The following TMEM170B variants were observed in gnomAD, a reference collection of about 807,000 sequenced individuals.
TMEM170B encodes transmembrane protein 170B.
A neutral mutation model predicts 13.0 loss-of-function variants in TMEM170B; 6 were observed. The ratio of observed to expected loss-of-function variants is 0.46; its 90% CI spans 0.25 to 0.91. TMEM170B has a LOEUF of 0.91. Ranked by LOEUF, TMEM170B falls within the 40% of genes least tolerant of loss-of-function variation. The pLI, the probability that TMEM170B is intolerant of heterozygous loss-of-function variation, is 0.17. For synonymous variants in TMEM170B, 61 were observed against 64.9 expected, an observed-to-expected ratio of 0.94 and a Z score of 0.29; for missense variants, 138 against 165.2, an observed-to-expected ratio of 0.84 and a Z score of 0.90.
At chr6:11,542,474 C>T (rs192992108) in intron 1 of TMEM170B, among the ~76,000 whole-genome samples, 2 of 152,072 alleles carry the variant, frequency 1.3e-5, no homozygotes, top group African/African-American at 4.8e-5. Context: ...AAGGATATGC[C>T]GAACATCCCA....
chr6:11,570,961 G>T (rs757415636), intron 2 of TMEM170B, among the ~76,000 whole-genome samples: 2 of 152,154 alleles, frequency 1.3e-5, no homozygotes, highest in Non-Finnish European at 2.9e-5. Flanking sequence ...CTTTAAAAAT[G>T]TGAAAACTAT....
intron 1 of TMEM170B, among the ~76,000 whole-genome samples, chr6:11,559,323 G>C (rs1319486089): frequency 6.6e-6 from 1 of 151,302 alleles, no homozygotes; most frequent in East Asian, 1.9e-4. Context: ...CAGCCTCCTG[G>C]GTAGTGAGGG....
chr6:11,540,618 T>A (rs1446497603), intron 1 of TMEM170B, among the ~76,000 whole-genome samples: 1 of 152,198 alleles, frequency 6.6e-6, no homozygotes, highest in East Asian at 1.9e-4. Flanking sequence ...CCATGAGGAA[T>A]GGAGTCAATT....
chr6:11,542,311 AT>A (rs1416237923), intron 1 of TMEM170B, among the ~76,000 whole-genome samples: 15 of 152,320 alleles, frequency 9.8e-5, no homozygotes, highest in Non-Finnish European at 1.9e-4. Flanking sequence ...ATATTTTTAA[AT>A]AAGTAAGATT....
chr6:11,548,643 A>G (rs924814989), intron 1 of TMEM170B, among the ~76,000 whole-genome samples: 43 of 152,308 alleles, frequency 2.8e-4, no homozygotes, highest in African/African-American at 8.9e-4. Context: ...TTGTGGCACT[A>G]TTCATAATAG....
chr6:11,543,780 G>A (rs930421035), intron 1 of TMEM170B, among the ~76,000 whole-genome samples: 3 of 152,096 alleles, frequency 2.0e-5, no homozygotes, highest in African/African-American at 7.2e-5. Flanking sequence ...CAAATGAAAG[G>A]GAAATATGCT....
At chr6:11,567,557 A>C (rs1362395290) in intron 2 of TMEM170B, among the ~76,000 whole-genome samples, 1 of 152,230 alleles carries the variant, frequency 6.6e-6, no homozygotes, top group Non-Finnish European at 1.5e-5. Context: ...GGCACTAATA[A>C]GACAACCATA....
intron 1 of TMEM170B, among the ~76,000 whole-genome samples, chr6:11,554,663 G>A (rs1211347878): frequency 6.6e-6 from 1 of 152,022 alleles, no homozygotes; most frequent in South Asian, 2.1e-4. Context: ...TTTACAGTTT[G>A]AAATTATATA....
At chr6:11,544,847 T>A (rs1243122611) in intron 1 of TMEM170B, among the ~76,000 whole-genome samples, 1 of 152,260 alleles carries the variant, frequency 6.6e-6, no homozygotes, top group African/African-American at 2.4e-5. Context: ...ATTTTCTTTC[T>A]TTGAATATAT....
intron 1 of TMEM170B, among the ~76,000 whole-genome samples, chr6:11,545,684 T>C (rs1759428942): frequency 6.6e-6 from 1 of 152,020 alleles, no homozygotes; most frequent in Non-Finnish European, 1.5e-5. Context: ...CTGGCTTATG[T>C]ATTTACTGTA....
chr6:11,568,671 T>G (rs1759764230), intron 2 of TMEM170B, among the ~76,000 whole-genome samples: 1 of 152,108 alleles, frequency 6.6e-6, no homozygotes, highest in African/African-American at 2.4e-5. Flanking sequence ...AATAAAACAT[T>G]TAATTTTTTT....
Position 11,566,166 on chromosome 6 carries a change from A to G in TMEM170B, c.268+330A>G, listed in dbSNP as rs61270446. Among the ~76,000 whole-genome samples, 949 of 152,334 alleles carry G rather than the reference A, an allele frequency of 6.2e-3. 16 individuals carry two copies. Among genetic ancestry groups the G allele is most frequent in the African/African-American group, 0.021 (855 of 41,570 alleles). On this transcript the variant is annotated intron_variant, in intron 2 of 2. Coordinates refer to ENST00000379426, the MANE Select transcript of TMEM170B (RefSeq NM_001100829.3). ...CAAGTTGCTCATTTTCTAGGAAAAA[A>G]CAAAGGCATAAAAATATGTCAGTGA...
rs1380375290 is a variant in TMEM170B at position 11,582,868 on chromosome 6, ATATGAG to A, written c.*7312_*7317del. ...TCCCCTTCTGTTAAGACTATAAACT[ATATGAG>A]TATGTGTACTGCATGTTTACATAAA... On this transcript the variant is annotated 3_prime_UTR_variant, in exon 3 of 3. Transcript: ENST00000379426. 3 of 152,212 alleles carry A rather than the reference ATATGAG, an allele frequency of 2.0e-5. No individual in the cohort carries two copies. The highest frequency in any genetic ancestry group is 2.9e-5 in the Non-Finnish European group (2 of 68,016). The allele number at this position is 152,212 out of a possible 1,614,324, so 9.4% of individuals were successfully genotyped here.
Position 11,582,467 on chromosome 6 carries a change from A to G in TMEM170B, c.*6906A>G, listed in dbSNP as rs556230503. ...CTACTAACTTCATATGGTTCAATGT[A>G]AATCAGTTACTTAGTCATTGACTGT... On this transcript the variant is annotated 3_prime_UTR_variant, in exon 3 of 3. Coordinates refer to ENST00000379426, the MANE Select transcript of TMEM170B (RefSeq NM_001100829.3). 5.9e-5 allele frequency: 9 copies of G among 152,342 alleles called. No individual in the cohort carries two copies. In the South Asian group the frequency reaches 1.9e-3, roughly 32 times the overall value. 9.4% of individuals were successfully genotyped at this position (152,342 alleles called of 1,614,324 possible).
At chr6:11,570,678 C>G (rs1759787842) in intron 2 of TMEM170B, among the ~76,000 whole-genome samples, 1 of 152,068 alleles carries the variant, frequency 6.6e-6, no homozygotes, top group Admixed American at 6.6e-5. Flanking sequence ...TCAAGAACAA[C>G]TAGTTCATAT....
At chr6:11,547,634 T>C (rs116382094) in intron 1 of TMEM170B, among the ~76,000 whole-genome samples, 2,913 of 152,280 alleles carry the variant, frequency 0.019, 73 homozygotes, top group African/African-American at 0.061. Context: ...GTATATCTTA[T>C]TGAGAATGAA....
intron 1 of TMEM170B, among the ~76,000 whole-genome samples, chr6:11,560,555 G>A (rs1759649842): frequency 6.8e-6 from 1 of 147,538 alleles, no homozygotes; most frequent in African/African-American, 2.5e-5. Flanking sequence ...AGTCCAGCCT[G>A]GGCAGCATAG....
At chr6:11,554,526 G>C (rs1325946784) in intron 1 of TMEM170B, among the ~76,000 whole-genome samples, 3 of 152,006 alleles carry the variant, frequency 2.0e-5, no homozygotes, top group Non-Finnish European at 4.4e-5. Context: ...CTTAAATATA[G>C]AGCAATTTTT....
intron 1 of TMEM170B, among the ~76,000 whole-genome samples, chr6:11,560,797 T>C (rs1759654006): frequency 6.6e-6 from 1 of 152,176 alleles, no homozygotes; most frequent in Non-Finnish European, 1.5e-5. Context: ...TTTAAACAAA[T>C]AGGATTATAC....
Sources: allele counts gnomAD v4.1 joint callset (sites outside exome capture counted in the v4.1 genomes callset), GRCh38; gene constraint gnomAD v4.1.1; transcripts MANE v1.5; gene names NCBI Gene and HGNC (gene_info 2026-07-23, HGNC 2026-07-21).